NRXN3: variants seen among roughly 807,000 people sequenced by gnomAD.
The protein encoded by NRXN3 is neurexin III.
NRXN3 carries 32 observed loss-of-function variants against 137.6 expected under a neutral mutation model. The observed-to-expected ratio is 0.23, with a 90% CI of 0.18 to 0.31. The LOEUF (loss-of-function observed/expected upper bound fraction) is 0.31, where lower values mean the gene tolerates loss of function less well. NRXN3 is among the 10% of genes least tolerant of loss of function. The pLI is 1.00. For missense variants in NRXN3, 1,574 were observed against 2,062.5 expected (o/e 0.76, Z 4.59); for synonymous variants, 798 against 784.5 (o/e 1.02, Z -0.29).
chr14:78,292,373 G>A (rs1414059021), intron 3 of NRXN3, among the ~76,000 whole-genome samples: 3 of 152,178 alleles, frequency 2.0e-5, no homozygotes, highest in African/African-American at 7.2e-5. Flanking sequence ...AACTTTGTAT[G>A]CCTTATCTCC....
intron 10 of NRXN3, among the ~76,000 whole-genome samples, chr14:78,952,589 A>C (rs2152952359): frequency 6.6e-6 from 1 of 152,286 alleles, no homozygotes; most frequent in Middle Eastern, 3.4e-3. Flanking sequence ...CTTTTTTGAC[A>C]TATCTTTGGT....
chr14:79,468,719 G>A (rs1162149807), intron 16 of NRXN3, among the ~76,000 whole-genome samples: 1 of 152,198 alleles, frequency 6.6e-6, no homozygotes, highest in African/African-American at 2.4e-5. Context: ...CCTTGGAAAT[G>A]AGAGCAGCTT....
chr14:79,805,934 GTCTT>G (rs1351772319), intron 20 of NRXN3, among the ~76,000 whole-genome samples: 22 of 152,176 alleles, frequency 1.4e-4, no homozygotes, highest in African/African-American at 5.1e-4. Context: ...ATGTTTTATG[GTCTT>G]TCTTTATAGT....
At chr14:79,555,378 A>G (rs937921417) in intron 16 of NRXN3, among the ~76,000 whole-genome samples, 58 of 152,130 alleles carry the variant, frequency 3.8e-4, no homozygotes, top group African/African-American at 1.3e-3. Context: ...TTATCCTGCA[A>G]AGTAACCCTA....
chr14:79,678,574 T>C (rs1338554108), intron 17 of NRXN3, among the ~76,000 whole-genome samples: 1 of 152,208 alleles, frequency 6.6e-6, no homozygotes, highest in Non-Finnish European at 1.5e-5. Context: ...TTTCAATCCT[T>C]GTTCAGAAGT....
At chr14:79,354,673 T>C (rs1480217011) in intron 15 of NRXN3, among the ~76,000 whole-genome samples, 1 of 152,170 alleles carries the variant, frequency 6.6e-6, no homozygotes, top group Non-Finnish European at 1.5e-5. Flanking sequence ...TTTAAAAATG[T>C]ATGTGGAAAA....
chr14:79,691,577 C>A (rs2098716779), intron 17 of NRXN3, among the ~76,000 whole-genome samples: 1 of 151,990 alleles, frequency 6.6e-6, no homozygotes, highest in South Asian at 2.1e-4. Context: ...ACCTCTTTGA[C>A]AAAGATAATG....
chr14:79,150,065 A>G (rs1381345178), intron 15 of NRXN3, among the ~76,000 whole-genome samples: 1 of 152,018 alleles, frequency 6.6e-6, no homozygotes, highest in East Asian at 1.9e-4. Flanking sequence ...GTGTTCTCAC[A>G]CAGAACACAG....
At chr14:78,914,785 A>T (rs2099250434) in intron 10 of NRXN3, among the ~76,000 whole-genome samples, 1 of 152,104 alleles carries the variant, frequency 6.6e-6, no homozygotes, top group South Asian at 2.1e-4. Context: ...GAGTGACACG[A>T]TCTGTCTTCA....
intron 4 of NRXN3, among the ~76,000 whole-genome samples, chr14:78,368,412 T>C (rs1307085118): frequency 1.3e-5 from 2 of 152,176 alleles, no homozygotes; most frequent in African/African-American, 4.8e-5. Context: ...TAAAATGGGA[T>C]GTAAAAAATT....
At chr14:78,724,779 G>A (rs1278492055) in intron 8 of NRXN3, among the ~76,000 whole-genome samples, 1 of 152,198 alleles carries the variant, frequency 6.6e-6, no homozygotes, top group South Asian at 2.1e-4. Context: ...GGGAGGAAAT[G>A]TGGAGGGAAG....
chr14:78,999,666 C>T lies in NRXN3; in HGVS notation c.3262+11525C>T, dbSNP rs74367725. ...CATTTCTTTTCAATCTTGCCCTTCT[C>T]CTTTCTCAAAGAAAGCCTTGCTGTT... On this transcript the variant is annotated intron_variant, in intron 15 of 20. Coordinates refer to ENST00000335750, the MANE Select transcript of NRXN3 (RefSeq NM_001330195.2). Among the ~76,000 whole-genome samples, 1,071 of 152,274 alleles carry T rather than the reference C, an allele frequency of 7.0e-3. 12 individuals are homozygous for T. Among genetic ancestry groups the T allele is most frequent in the African/African-American group, 0.024 (1,015 of 41,560 alleles).
chr14:79,252,579 G>A (rs1189033847), intron 15 of NRXN3, among the ~76,000 whole-genome samples: 1 of 151,560 alleles, frequency 6.6e-6, no homozygotes, highest in Non-Finnish European at 1.5e-5. Flanking sequence ...TGGGGGGGTG[G>A]TGGTGGGAGG....
At chr14:79,308,346 C>T (rs2086497454) in intron 15 of NRXN3, among the ~76,000 whole-genome samples, 1 of 152,112 alleles carries the variant, frequency 6.6e-6, no homozygotes, top group Non-Finnish European at 1.5e-5. Context: ...AGCTATTGTG[C>T]AGCCAACTTT....
At chr14:78,236,288 A>G (rs1596249392) in intron 1 of NRXN3, among the ~76,000 whole-genome samples, 1 of 152,292 alleles carries the variant, frequency 6.6e-6, no homozygotes, top group East Asian at 1.9e-4. Flanking sequence ...CTGACATTTA[A>G]CAGCATAGAA....
chr14:78,389,375 T>G lies in NRXN3; in HGVS notation c.757+91515T>G, dbSNP rs2090453156. 1.3e-5 allele frequency among the ~76,000 whole-genome samples: 2 copies of G among 152,294 alleles called. 1 individual carries two copies. The highest frequency in any genetic ancestry group is 4.1e-4 in the South Asian group (2 of 4,828). The stretch of plus-strand genomic sequence containing the variant: ...CAGGCCTAAGGTTCTTGATATATAC[T>G]GAAACATTGCCTTCCAGGGAAGTTA... On this transcript the variant is annotated intron_variant, in intron 4 of 20. Coordinates refer to ENST00000335750, the MANE Select transcript of NRXN3 (RefSeq NM_001330195.2).
chr14:79,686,725 C>T (rs2098696736), intron 17 of NRXN3, among the ~76,000 whole-genome samples: 1 of 152,178 alleles, frequency 6.6e-6, no homozygotes, highest in African/African-American at 2.4e-5. Context: ...ATATTCTTTT[C>T]ACTCATGTTT....
intron 15 of NRXN3, among the ~76,000 whole-genome samples, chr14:79,333,226 T>G (rs547330112): frequency 7.2e-5 from 11 of 152,164 alleles, no homozygotes; most frequent in African/African-American, 2.6e-4. Flanking sequence ...ACTGGGGGGA[T>G]AGAGACTCTA....
chr14:78,921,403 C>T (rs2099270628), intron 10 of NRXN3, among the ~76,000 whole-genome samples: 3 of 152,162 alleles, frequency 2.0e-5, no homozygotes, highest in Non-Finnish European at 2.9e-5. Context: ...ATAAATAAAA[C>T]ATGAACTTGA....
Sources: allele counts gnomAD v4.1 joint callset (sites outside exome capture counted in the v4.1 genomes callset), GRCh38; gene constraint gnomAD v4.1.1; transcripts MANE v1.5; gene names NCBI Gene and HGNC (gene_info 2026-07-23, HGNC 2026-07-21).